GSE1: variants seen among roughly 807,000 people sequenced by gnomAD.
GSE1 encodes the protein genetic suppressor element 1.
Under a neutral mutation model 112.6 loss-of-function variants are expected in GSE1, and 32 were observed. The ratio of observed to expected loss-of-function variants is 0.28; its 90% CI spans 0.21 to 0.38. The LOEUF is 0.38. Among genes scored for constraint, GSE1 ranks in the 10% least tolerant of loss-of-function variants. The pLI is 1.00. For missense variants in GSE1, 2,348 were observed against 1,699.2 expected (o/e 1.38, Z -6.71); for synonymous variants, 1,115 against 735.6 (o/e 1.52, Z -8.35).
rs1299782485 is a variant in GSE1, at chr16:85,331,361, G to GTATATATATGTATATATATA, written c.2284-26101_2284-26100insATATATATGTATATATATAT. Among the ~76,000 whole-genome samples, 61 of 67,006 alleles carry GTATATATATGTATATATATA rather than the reference G, an allele frequency of 9.1e-4. 3 individuals are homozygous for GTATATATATGTATATATATA. The highest frequency in any genetic ancestry group is 2.5e-3 in the African/African-American group (47 of 19,060). The allele number at this position is 67,006 out of a possible 152,430, so 44.0% of individuals were successfully genotyped here. A position where few individuals can be genotyped will look rare whatever the true frequency, so the allele number is the denominator to read the frequency against. ...TGTGTGTGTGTGTGTGTGTGTGTGTGTGTGTATATATGTATATATATGTAT... is the reference window on the plus strand; with the variant it reads ...TGTGTGTGTGTGTGTGTGTGTGTGTGTATATATATGTATATATATATGTGTATATATGTATATATATGTAT... On this transcript the variant is annotated intron_variant, in intron 1 of 2. Coordinates refer to the GSE1 transcript ENST00000637419.
intron 13 of GSE1, chr16:85,666,735 G>C (rs1378945403): frequency 4.3e-6 from 1 of 233,664 alleles, no homozygotes; most frequent in South Asian, 5.2e-5. Context: ...TGTTTTTCAA[G>C]ACAGAGATGC....
chr16:85,650,263 G>A (rs1026902182), intron 3 of GSE1, among the ~76,000 whole-genome samples: 1 of 152,050 alleles, frequency 6.6e-6, no homozygotes, highest in South Asian at 2.1e-4. Flanking sequence ...TACCAGCTCC[G>A]CTGCCTCCAG....
Position 85,661,674 on chromosome 16 carries a change from C to G in GSE1, c.2169C>G (p.Ala723=). 2 of 1,610,756 alleles carry G rather than the reference C, an allele frequency of 1.2e-6. No individual in the cohort carries two copies. The highest frequency in any genetic ancestry group is 1.7e-6 in the Non-Finnish European group (2 of 1,179,198). Reference sequence around the variant, plus strand: ...CAGTGCCACGGGCCCCCGACCCTGCCTACATCTATGATGAGTTCCTGCAGC... The same window carrying G: ...CAGTGCCACGGGCCCCCGACCCTGCGTACATCTATGATGAGTTCCTGCAGC... The part of the protein sequence containing the change: ...RPPVPRAPDP[A]YIYDEFLQQR... Residue 723 remains alanine, a synonymous_variant, in exon 9 of 16, where the codon GCC becomes GCG. Coordinates refer to ENST00000253458, the MANE Select transcript of GSE1 (RefSeq NM_014615.5).
intron 2 of GSE1, among the ~76,000 whole-genome samples, chr16:85,374,451 G>C (rs765349225): frequency 6.6e-6 from 1 of 151,968 alleles, no homozygotes; most frequent in Non-Finnish European, 1.5e-5. Flanking sequence ...CTGTGTCCAT[G>C]TGCATTTTTG....
chr16:85,228,708 G>A (rs908332570), intron 1 of GSE1, among the ~76,000 whole-genome samples: 3 of 152,184 alleles, frequency 2.0e-5, no homozygotes, highest in African/African-American at 7.2e-5. Context: ...GGGCCAGAGA[G>A]CAGATCTGCC....
chr16:85,529,304 A>C (rs2052470431), intron 2 of GSE1, among the ~76,000 whole-genome samples: 1 of 152,186 alleles, frequency 6.6e-6, no homozygotes, highest in South Asian at 2.1e-4. Flanking sequence ...GGCCCAGGAG[A>C]CAGGGGCAGA....
intron 8 of GSE1, 89 bp downstream of exon 8, chr16:85,657,693 C>A: frequency 1.2e-6 from 1 of 814,202 alleles, no homozygotes; most frequent in Non-Finnish European, 1.8e-6. Flanking sequence ...TGCCCAACAT[C>A]CTGCCCCAGC....
chr16:85,613,888 C>T (rs1281251900), intron 1 of GSE1, among the ~76,000 whole-genome samples: 2 of 149,070 alleles, frequency 1.3e-5, no homozygotes, highest in African/African-American at 4.9e-5. Flanking sequence ...CTACTGGGGC[C>T]GCGCCGGTTA....
In GSE1 at chr16:85,408,297, GGATAAT is replaced by G. The variant is rs2048370668; in HGVS notation, c.2464+50655_2464+50660del. Among the ~76,000 whole-genome samples the G allele has an allele frequency of 4.7e-4, 2 of 4,224 alleles. 1 individual carries two copies. The highest frequency in any genetic ancestry group is 3.7e-3 in the African/African-American group (2 of 536). 2.8% of individuals were successfully genotyped at this position (4,224 alleles called of 152,430 possible). On this transcript the variant is annotated intron_variant, in intron 2 of 2. Transcript: ENST00000637419. ...CTTACTGTTACACTCAGGGCCCCCC[GGATAAT>G]CCTCACTGTTACACTCAGGGCCCCC...
At chr16:85,571,581 C>G (rs541224928) in intron 1 of GSE1, among the ~76,000 whole-genome samples, 1 of 152,212 alleles carries the variant, frequency 6.6e-6, no homozygotes, top group Non-Finnish European at 1.5e-5. Flanking sequence ...CGGGTCTTCT[C>G]GGGGAGGCTC....
At chr16:85,650,726 C>T (rs780487955) in intron 3 of GSE1, among the ~76,000 whole-genome samples, 30 of 152,294 alleles carry the variant, frequency 2.0e-4, no homozygotes, top group East Asian at 3.9e-4. Flanking sequence ...TACGGCTCCT[C>T]GCTCGGGCAC....
At chr16:85,235,476 G>C (rs1450244807) in intron 1 of GSE1, among the ~76,000 whole-genome samples, 1 of 147,246 alleles carries the variant, frequency 6.8e-6, no homozygotes, top group Non-Finnish European at 1.5e-5. Flanking sequence ...GTGTGTAGGG[G>C]GTGTGTTCTG....
At chr16:85,655,298 G>A (rs1002734793) in intron 5 of GSE1, among the ~76,000 whole-genome samples, 9 of 152,222 alleles carry the variant, frequency 5.9e-5, no homozygotes, top group African/African-American at 1.2e-4. Context: ...TGGGAGAGGC[G>A]ATGCTTTGCT....
At chr16:85,304,957 G>C (rs1162684760) in intron 1 of GSE1, among the ~76,000 whole-genome samples, 1 of 152,174 alleles carries the variant, frequency 6.6e-6, no homozygotes. Context: ...GTCCAACCCA[G>C]TGTGGGACCC....
intron 2 of GSE1, among the ~76,000 whole-genome samples, chr16:85,537,142 T>C (rs1263701796): frequency 6.6e-6 from 1 of 152,156 alleles, no homozygotes; most frequent in African/African-American, 2.4e-5. Flanking sequence ...CATTAGTGGC[T>C]CTGAGCAGCG....
At chr16:85,495,737 A>G (rs1597953430) in intron 2 of GSE1, among the ~76,000 whole-genome samples, 2 of 152,224 alleles carry the variant, frequency 1.3e-5, no homozygotes, top group East Asian at 3.9e-4. Flanking sequence ...GCCTCAGGTG[A>G]TCTGCCCACC....
At chr16:85,553,704 C>G (rs868539917), upstream of GSE1, among the ~76,000 whole-genome samples, 2 of 152,124 alleles carry the variant, frequency 1.3e-5, no homozygotes, top group African/African-American at 4.8e-5. Context: ...CTCCGCCCAG[C>G]TCATTTAAGA....
intron 2 of GSE1, chr16:85,490,919 A>G (rs1427970778): frequency 6.6e-6 from 1 of 152,186 alleles, no homozygotes; most frequent in Non-Finnish European, 1.5e-5. Flanking sequence ...TGTATGGTCA[A>G]ATTAATGCCG....
chr16:85,173,928 A>G (rs2074409452), intron 1 of GSE1, among the ~76,000 whole-genome samples: 1 of 152,164 alleles, frequency 6.6e-6, no homozygotes, highest in Admixed American at 6.5e-5. Flanking sequence ...ACTCCTTATC[A>G]TGGCTCTTGA....
Sources: gnomAD v4.1 joint callset for allele counts (sites outside exome capture counted in the v4.1 genomes callset) on GRCh38, gnomAD v4.1.1 for gene constraint, MANE v1.5 for transcripts, NCBI Gene and HGNC (gene_info 2026-07-23, HGNC 2026-07-21) for gene names.